The following STK26 variants were observed in gnomAD, a reference collection of about 807,000 sequenced individuals.
The protein encoded by STK26 is serine/threonine-protein kinase 26.
STK26 carries 14 observed loss-of-function variants against 34.7 expected under a neutral mutation model. The ratio of observed to expected loss-of-function variants is 0.40; its 90% CI spans 0.27 to 0.63. The LOEUF (loss-of-function observed/expected upper bound fraction) is 0.63, where lower values mean the gene tolerates loss of function less well. Among genes scored for constraint, STK26 ranks in the 30% least tolerant of loss-of-function variants. The pLI is 0.38. For synonymous variants in STK26, 100 were observed against 109.8 expected (o/e 0.91, Z 0.56); for missense variants, 226 against 309.1 (o/e 0.73, Z 2.02).
intron 2 of STK26, among the ~76,000 whole-genome samples, chrX:132,023,971 G>C (rs951847948): frequency 1.4e-4 from 16 of 111,563 alleles, no homozygotes; most frequent in South Asian, 3.8e-4. Context: ...GTTGGGGATG[G>C]GGGGGCGGAA....
chrX:132,025,058 T>G (rs189550725), intron 2 of STK26, among the ~76,000 whole-genome samples: 1 of 111,567 alleles, frequency 9.0e-6, no homozygotes, highest in African/African-American at 3.3e-5. Context: ...CTTCCCTCCT[T>G]CTTTTCCCCA....
At chrX:132,043,011 A>G (rs1416523904) in intron 2 of STK26, among the ~76,000 whole-genome samples, 1 of 112,080 alleles carries the variant, frequency 8.9e-6, no homozygotes, top group Non-Finnish European at 1.9e-5. Context: ...AGGTAAGTCT[A>G]TGTAAAATTC....
chrX:132,043,930 A>G lies in STK26; in HGVS notation c.43-10701A>G, dbSNP rs189747846. ...TAACTGTCTCCAGTTGAAGGAAAAA[A>G]ATCTCAAAGTTGTGACTTCGCAAAG... is the stretch of plus-strand genomic sequence containing the variant. On this transcript the variant is annotated intron_variant, in intron 2 of 11. Transcript: ENST00000394334. Among the ~76,000 whole-genome samples the G allele has an allele frequency of 4.7e-3, 522 of 111,972 alleles. 4 individuals carry two copies. The highest frequency in any genetic ancestry group is 7.7e-3 in the Non-Finnish European group (411 of 53,137).
chrX:132,068,407 C>G lies in STK26; in HGVS notation c.440-5C>G, dbSNP rs774275610. On this transcript the variant is annotated splice_region_variant and splice_polypyrimidine_tract_variant and intron_variant, in intron 5 of 11. Coordinates refer to ENST00000394334, the MANE Select transcript of STK26 (RefSeq NM_016542.4). ...TTTTTTTTGCTTTTCTTTTTTTCCT[C>G]CTAGCTGCCAATGTCTTGCTCTCAG... 1.8e-5 allele frequency: 22 copies of G among 1,200,012 alleles called. No individual in the cohort carries two copies. The highest frequency in any genetic ancestry group is 2.4e-5 in the Non-Finnish European group (21 of 892,388).
chrX:132,066,466 A>G (rs1310854387), intron 4 of STK26, among the ~76,000 whole-genome samples: 1 of 111,847 alleles, frequency 8.9e-6, no homozygotes, highest in Non-Finnish European at 1.9e-5. Flanking sequence ...TTGACAACAG[A>G]GGCAAATTAC....
At chrX:132,028,613 A>G (rs1029825918) in intron 2 of STK26, among the ~76,000 whole-genome samples, 1 of 111,837 alleles carries the variant, frequency 8.9e-6, no homozygotes, top group Non-Finnish European at 1.9e-5. Context: ...CAGAAAGAAT[A>G]TGTGGAAGTG....
At chrX:132,030,412 C>T (rs1925787783) in intron 2 of STK26, among the ~76,000 whole-genome samples, 1 of 110,472 alleles carries the variant, frequency 9.1e-6, no homozygotes, top group South Asian at 3.9e-4. Flanking sequence ...CCTCTTCCCT[C>T]CCACTCCCCA....
rs377207229 is a variant in STK26, at chrX:132,072,495, C to A, written c.1026+134C>A. On this transcript the variant is annotated intron_variant, in intron 9 of 11. Coordinates refer to ENST00000394334, the MANE Select transcript of STK26 (RefSeq NM_016542.4). ...GCCTCACTGTGTTTGTAGTATGCTT[C>A]ATTTGTCATTAGTTTTGAGCTAATT... The A allele has an allele frequency of 9.3e-6, 5 of 539,277 alleles. No individual in the cohort carries two copies. In the African/African-American group the frequency reaches 9.5e-5, roughly 10 times the overall value. 44.4% of individuals were successfully genotyped at this position (539,277 alleles called of 1,213,427 possible).
At chrX:132,039,367 C>A (rs1310799184) in intron 2 of STK26, among the ~76,000 whole-genome samples, 4 of 111,604 alleles carry the variant, frequency 3.6e-5, no homozygotes, top group Non-Finnish European at 7.5e-5. Context: ...TGATAGGACA[C>A]TAAATCATTT....
chrX:132,028,087 A>G (rs12849606), intron 2 of STK26, among the ~76,000 whole-genome samples: 31,264 of 96,085 alleles, frequency 0.33, 4,898 homozygotes, highest in Admixed American at 0.46. Flanking sequence ...CTGGTTTCCA[A>G]CTCCTGGACT....
In STK26 at chrX:132,072,986, C is replaced by T. The variant is rs1242154027; in HGVS notation, c.1119C>T (p.Ser373=). The change falls in exon 11 of 12, where the codon AGC becomes AGT. Residue 373 remains serine, a synonymous_variant. Coordinates refer to ENST00000394334, the MANE Select transcript of STK26 (RefSeq NM_016542.4). The part of the protein sequence containing the change: ...ELKQQDENNA[S]RNQAIEELEK... ...AACAGCAGGACGAGAATAACGCTAG[C>T]AGGAATCAGGCGATTGAAGAACTCG... 1 of 1,210,445 alleles carries T rather than the reference C, an allele frequency of 8.3e-7. No individual in the cohort carries two copies. The highest frequency in any genetic ancestry group is 1.7e-5 in the African/African-American group (1 of 57,784).
intron 3 of STK26, among the ~76,000 whole-genome samples, chrX:132,058,260 G>GTGTGTGTA (rs1926928075): frequency 9.1e-6 from 1 of 109,665 alleles, no homozygotes; most frequent in Non-Finnish European, 1.9e-5. Flanking sequence ...GTGTATGTGT[G>GTGTGTGTA]TGTGTGTGTG....
intron 2 of STK26, among the ~76,000 whole-genome samples, chrX:132,031,027 C>G (rs1602742510): frequency 1.8e-5 from 2 of 111,053 alleles, no homozygotes; most frequent in South Asian, 3.9e-4. Context: ...GCCTCAACCT[C>G]CCAGGCTCAG....
intron 3 of STK26, chrX:132,055,628 C>A: frequency 1.6e-6 from 1 of 630,053 alleles, no homozygotes; most frequent in Non-Finnish European, 2.4e-6. Flanking sequence ...TGAACTCTAG[C>A]TTAGTTTGGA....
chrX:132,058,350 A>G (rs762644306), intron 3 of STK26, among the ~76,000 whole-genome samples: 1 of 110,183 alleles, frequency 9.1e-6, no homozygotes, highest in African/African-American at 3.3e-5. Flanking sequence ...GACTCACTCT[A>G]GGGCAAAACT....
chrX:132,051,846 T>C (rs1001204373), intron 2 of STK26, among the ~76,000 whole-genome samples: 1 of 110,014 alleles, frequency 9.1e-6, no homozygotes, highest in African/African-American at 3.3e-5. Flanking sequence ...ACATGCAGTG[T>C]TTGGTTTTCT....
In STK26 at chrX:132,044,688, T is replaced by TAGAG. The variant is rs1556013091; in HGVS notation, c.43-9925_43-9922dup. Reference sequence around the variant, plus strand: ...CTCGAGATCTATATATATATATATATAGAGAGAGAGAGAGAGAGAGATCTA... The same window carrying TAGAG: ...CTCGAGATCTATATATATATATATATAGAGAGAGAGAGAGAGAGAGAGAGATCTA... On this transcript the variant is annotated intron_variant, in intron 2 of 11. Coordinates refer to ENST00000394334, the MANE Select transcript of STK26 (RefSeq NM_016542.4). Among the ~76,000 whole-genome samples the TAGAG allele has an allele frequency of 2.5e-4, 11 of 43,399 alleles. 1 individual carries two copies. Among genetic ancestry groups the TAGAG allele is most frequent in the Admixed American group, 1.1e-3 (5 of 4,622 alleles). 37.7% of individuals were successfully genotyped at this position (43,399 alleles called of 115,157 possible).
Position 132,069,609 on chromosome X carries a change from T to C in STK26, c.729T>C (p.Phe243=). Residue 243 remains phenylalanine, a synonymous_variant, in exon 7 of 12, where the codon TTT becomes TTC. Coordinates refer to ENST00000394334, the MANE Select transcript of STK26 (RefSeq NM_016542.4). ...KNNPPTLVGD[F]TKSFKEFIDA... is the part of the protein sequence containing the mutation. Reference sequence around the variant, plus strand: ...ATCCTCCAACTCTTGTTGGAGACTTTACTAAGTCTTTTAAGGAGTTTATTG... The same window carrying C: ...ATCCTCCAACTCTTGTTGGAGACTTCACTAAGTCTTTTAAGGAGTTTATTG... 4 of 1,166,969 alleles carry C rather than the reference T, an allele frequency of 3.4e-6. No homozygotes were observed. In the South Asian group the frequency reaches 6.2e-5, roughly 18 times the overall value.
chrX:132,044,694 G>T (rs750881391), intron 2 of STK26, among the ~76,000 whole-genome samples: 1,057 of 61,786 alleles, frequency 0.017, 91 homozygotes, highest in Admixed American at 0.025. Context: ...TATATAGAGA[G>T]AGAGAGAGAG....
Sources: gnomAD v4.1 joint callset for allele counts (sites outside exome capture counted in the v4.1 genomes callset) on GRCh38, gnomAD v4.1.1 for gene constraint, MANE v1.5 for transcripts, NCBI Gene and HGNC (gene_info 2026-07-23, HGNC 2026-07-21) for gene names.